Variants in IFIH1 observed in about 807,000 individuals in gnomAD.
IFIH1 encodes the protein interferon-induced helicase C domain-containing protein 1.
In IFIH1, 125 loss-of-function variants were observed where a neutral mutation model predicts 107.4. The ratio of observed to expected loss-of-function variants is 1.16; its 90% CI spans 1.01 to 1.35. IFIH1 has a LOEUF of 1.35. IFIH1 is among the 40% of genes most tolerant of loss of function. IFIH1 has a pLI of 0.00. For missense variants in IFIH1, 1,333 were observed against 1,213.7 expected, an observed-to-expected ratio of 1.10 and a Z score of -1.46; for synonymous variants, 458 against 413.2, an observed-to-expected ratio of 1.11 and a Z score of -1.31.
At position 162,318,364 on chromosome 2, in the gene IFIH1, G is replaced by T; in HGVS notation, c.-57C>A. On this transcript the variant is annotated 5_prime_UTR_variant, in exon 1 of 16. Coordinates refer to ENST00000649979, the MANE Select transcript of IFIH1 (RefSeq NM_022168.4). ...CCAAGCAGATGGTGCTGTTGTCTGC[G>T]GGACAGGTGAAATGTGCGTGCCGCT... 5 of 1,428,780 alleles carry T rather than the reference G, an allele frequency of 3.5e-6. No homozygotes were observed. Among genetic ancestry groups the T allele is most frequent in the Non-Finnish European group, 4.9e-6 (5 of 1,027,290 alleles). 88.5% of individuals were successfully genotyped at this position (1,428,780 alleles called of 1,614,324 possible).
intron 3 of IFIH1, among the ~76,000 whole-genome samples, chr2:162,301,087 T>C (rs1003285825): frequency 6.6e-6 from 1 of 152,126 alleles, no homozygotes; most frequent in African/African-American, 2.4e-5. Flanking sequence ...GCAAAATATA[T>C]CCACAATATA....
At position 162,268,010 on chromosome 2, in the gene IFIH1, A is replaced by G. The variant is rs1461581051; in HGVS notation, c.2807+77T>C. ...AAAATAAATGAATCTCATTTGCACT[A>G]TTTTGAAAGAACATTTACAATGCAA... On this transcript the variant is annotated intron_variant, in intron 14 of 15. Coordinates refer to ENST00000649979, the MANE Select transcript of IFIH1 (RefSeq NM_022168.4). 3.1e-6 allele frequency: 3 copies of G among 975,258 alleles called. No individual in the cohort carries two copies. In the African/African-American group the frequency reaches 5.0e-5, roughly 16 times the overall value. 60.4% of individuals were successfully genotyped at this position (975,258 alleles called of 1,614,324 possible). A position where few individuals can be genotyped will look rare whatever the true frequency, so the allele number is the denominator to read the frequency against.
intron 2 of IFIH1, among the ~76,000 whole-genome samples, chr2:162,307,713 T>C (rs993402812): frequency 3.3e-5 from 5 of 152,194 alleles, no homozygotes; most frequent in Non-Finnish European, 7.3e-5. Context: ...CCAGTGAAAA[T>C]GTGCCCCACT....
At chr2:162,314,416 T>TTTTCTTCC (rs1683441775) in intron 1 of IFIH1, among the ~76,000 whole-genome samples, 1 of 51,444 alleles carries the variant, frequency 1.9e-5, no homozygotes, top group Non-Finnish European at 3.4e-5. Context: ...TCTTTCTTTC[T>TTTTCTTCC]TTTCTTTCTT....
At chr2:162,280,642 C>G (rs75873849) in intron 7 of IFIH1, among the ~76,000 whole-genome samples, 3 of 151,980 alleles carry the variant, frequency 2.0e-5, no homozygotes, top group African/African-American at 7.2e-5. Flanking sequence ...GTCCTTAATC[C>G]CAGTAATAAA....
rs186263890 is a variant in IFIH1, at chr2:162,297,499, T to G, written c.770-3831A>C. Among the ~76,000 whole-genome samples, 426 of 152,140 alleles carry G rather than the reference T, an allele frequency of 2.8e-3. 2 individuals are homozygous for G. The highest frequency in any genetic ancestry group is 0.01 in the African/African-American group (416 of 41,534). The stretch of plus-strand genomic sequence containing the variant: ...GTTTTAAAAAATATATAGAGAGAGA[T>G]AGTAGTCTCTATTTTCTCACTTATT... On this transcript the variant is annotated intron_variant, in intron 3 of 15. Transcript: ENST00000649979.
intron 8 of IFIH1, among the ~76,000 whole-genome samples, chr2:162,278,586 T>C (rs758364162): frequency 1.6e-4 from 24 of 152,240 alleles, no homozygotes; most frequent in Non-Finnish European, 3.2e-4. Context: ...AAAAGTAAAG[T>C]TAATGAATTA....
intron 3 of IFIH1, among the ~76,000 whole-genome samples, chr2:162,299,137 G>A (rs1683148023): frequency 6.6e-6 from 1 of 152,190 alleles, no homozygotes. Context: ...AAGAGAGGTA[G>A]TTATTAAAGC....
chr2:162,301,962 A>G (rs1431026869), intron 3 of IFIH1, among the ~76,000 whole-genome samples: 1 of 152,216 alleles, frequency 6.6e-6, no homozygotes. Flanking sequence ...AAAAATTGAT[A>G]TATCAATTAC....
chr2:162,318,500 G>C lies in IFIH1; in HGVS notation c.-193C>G. ...CGGGGCTGCACTCGCACCTGGGCAG[G>C]TGGGCAGGCGGGCAGGTGGGCAGCG... On this transcript the variant is annotated 5_prime_UTR_variant, in exon 1 of 16. Coordinates refer to ENST00000649979, the MANE Select transcript of IFIH1 (RefSeq NM_022168.4). 5.1e-6 allele frequency: 2 copies of C among 392,556 alleles called. No individual in the cohort carries two copies. The highest frequency in any genetic ancestry group is 1.5e-4 in the South Asian group (2 of 13,052). The allele number at this position is 392,556 out of a possible 1,614,324, so 24.3% of individuals were successfully genotyped here.
chr2:162,267,281 T>C lies in IFIH1; in HGVS notation c.2997A>G (p.Gln999=). 6.2e-7 allele frequency: 1 copy of C among 1,611,932 alleles called. No individual in the cohort carries two copies. The highest frequency in any genetic ancestry group is 8.5e-7 in the Non-Finnish European group (1 of 1,179,306). Residue 999 remains glutamine (Q), a synonymous_variant, in exon 16 of 16, where the codon CAA becomes CAG. Transcript: ENST00000649979. ...VVFKNNSTKK[Q]YKKWVELPIT... is the part of the protein sequence containing the mutation. ...TAGGTAATTCTACCCACTTTTTGTA[T>C]TGTTTCTTTGTTGAATTATTTTTGA...
At chr2:162,299,323 A>C (rs1683151300) in intron 3 of IFIH1, among the ~76,000 whole-genome samples, 1 of 152,186 alleles carries the variant, frequency 6.6e-6, no homozygotes, top group Non-Finnish European at 1.5e-5. Flanking sequence ...AATGTGAATT[A>C]GAAACCTCTT....
chr2:162,307,619 T>C (rs1211921001), intron 2 of IFIH1, among the ~76,000 whole-genome samples: 1 of 152,216 alleles, frequency 6.6e-6, no homozygotes, highest in Non-Finnish European at 1.5e-5. Flanking sequence ...TTTGCCTTTA[T>C]GAAGCTGCAA....
At position 162,318,473 on chromosome 2, in the gene IFIH1, C is replaced by G. The variant is rs1683560324; in HGVS notation, c.-166G>C. ...TGTCCACAGGGCTCTCAGGCCGGCG[C>G]GCGGGGCTGCACTCGCACCTGGGCA... On this transcript the variant is annotated 5_prime_UTR_variant, in exon 1 of 16. Coordinates refer to ENST00000649979, the MANE Select transcript of IFIH1 (RefSeq NM_022168.4). 1.6e-6 allele frequency: 1 copy of G among 606,292 alleles called. No individual in the cohort carries two copies. The highest frequency in any genetic ancestry group is 2.9e-5 in the East Asian group (1 of 34,062). The allele number at this position is 606,292 out of a possible 1,614,324, so 37.6% of individuals were successfully genotyped here. A position where few individuals can be genotyped will look rare whatever the true frequency, so the allele number is the denominator to read the frequency against.
intron 3 of IFIH1, among the ~76,000 whole-genome samples, chr2:162,306,337 A>G (rs1030607124): frequency 3.9e-5 from 6 of 152,166 alleles, no homozygotes; most frequent in African/African-American, 9.7e-5. Context: ...TAAACCAGAG[A>G]AAAAAAGCAA....
intron 2 of IFIH1, chr2:162,310,494 A>C (rs1683368585): frequency 4.0e-6 from 2 of 504,862 alleles, no homozygotes; most frequent in Non-Finnish European, 7.0e-6. Flanking sequence ...CATAATCTTG[A>C]TAAAATTTCT....
Position 162,272,313 on chromosome 2 carries a change from A to G in IFIH1, c.2529T>C (p.His843=). 6.2e-7 allele frequency: 1 copy of G among 1,612,504 alleles called. No homozygotes were observed. Among genetic ancestry groups the G allele is most frequent in the East Asian group, 2.2e-5 (1 of 44,852 alleles). Reference sequence around the variant, plus strand: ...TCTCTCGGAAATCATTAACTGTCTCATGTTCGATAACTCCTGAACCACTGT... The same window carrying G: ...TCTCTCGGAAATCATTAACTGTCTCGTGTTCGATAACTCCTGAACCACTGT... ...VAHSGSGVIE[H]ETVNDFREKM... is the part of the protein sequence containing the mutation. Residue 843 remains histidine, a synonymous_variant, in exon 13 of 16, where the codon CAT becomes CAC. Coordinates refer to ENST00000649979, the MANE Select transcript of IFIH1 (RefSeq NM_022168.4).
Position 162,277,637 on chromosome 2 carries a change from T to C in IFIH1, c.1822A>G (p.Asn608Asp), listed in dbSNP as rs762331564. The C allele has an allele frequency of 6.2e-6, 10 of 1,613,186 alleles. No homozygotes were observed. In the South Asian group the frequency reaches 1.1e-4, roughly 18 times the overall value. The change falls in exon 10 of 16, where the codon AAT (asparagine) becomes GAT (aspartate). Residue 608 changes from asparagine to aspartate, a missense_variant. Asn to Asp is a conservative substitution (Grantham distance 23). Transcript: ENST00000649979. ...GTGTCATTAATTTGTAGGGCCTCATTGTACTTCCTCAAATGTTCTGCACAA... is the reference window on the plus strand; with the variant it reads ...GTGTCATTAATTTGTAGGGCCTCATCGTACTTCCTCAAATGTTCTGCACAA... ...RVCAEHLRKY[N>D]EALQINDTIR...
intron 8 of IFIH1, among the ~76,000 whole-genome samples, chr2:162,278,834 T>C (rs891259924): frequency 1.3e-5 from 2 of 152,096 alleles, no homozygotes; most frequent in African/African-American, 4.8e-5. Context: ...TCATTTTTTG[T>C]TTTAGAAGTC....
Sources: gnomAD v4.1 joint callset for allele counts (sites outside exome capture counted in the v4.1 genomes callset) on GRCh38, gnomAD v4.1.1 for gene constraint, MANE v1.5 for transcripts, NCBI Gene and HGNC (gene_info 2026-07-23, HGNC 2026-07-21) for gene names.